The following ADCY2 variants were observed in gnomAD, a reference collection of about 807,000 sequenced individuals.
ADCY2 encodes adenylate cyclase 2.
In ADCY2, 31 loss-of-function variants were observed where a neutral mutation model predicts 125.2. The ratio of observed to expected loss-of-function variants is 0.25; its 90% CI spans 0.19 to 0.33. ADCY2 has a LOEUF of 0.33. ADCY2 is among the 10% of genes least tolerant of loss of function. The pLI, the probability that ADCY2 is intolerant of heterozygous loss-of-function variation, is 1.00. For synonymous variants in ADCY2, 512 were observed against 548.4 expected (o/e 0.93, Z 0.93); for missense variants, 904 against 1,418.2 (o/e 0.64, Z 5.82).
At chr5:7,572,097 A>T (rs1251866926) in intron 3 of ADCY2, among the ~76,000 whole-genome samples, 1 of 152,272 alleles carries the variant, frequency 6.6e-6, no homozygotes, top group East Asian at 1.9e-4. Flanking sequence ...GCTGCAGTGA[A>T]CATACACTTG....
chr5:7,636,433 A>G (rs948000589), intron 4 of ADCY2, among the ~76,000 whole-genome samples: 18 of 152,228 alleles, frequency 1.2e-4, no homozygotes, highest in African/African-American at 4.3e-4. Context: ...TGGGTGGGAT[A>G]CCTGTGCAGT....
chr5:7,697,839 TGA>T (rs1740944919), intron 6 of ADCY2, among the ~76,000 whole-genome samples: 1 of 152,104 alleles, frequency 6.6e-6, no homozygotes, highest in African/African-American at 2.4e-5. Flanking sequence ...GGGAAGGACT[TGA>T]GATTCTAATT....
At chr5:7,748,684 T>C (rs62342479) in intron 15 of ADCY2, among the ~76,000 whole-genome samples, 1 of 152,074 alleles carries the variant, frequency 6.6e-6, no homozygotes, top group Non-Finnish European at 1.5e-5. Flanking sequence ...TAAGAACCTT[T>C]GGAATAAATC....
chr5:7,755,901 G>A (rs1223145369), intron 15 of ADCY2, among the ~76,000 whole-genome samples: 1 of 152,212 alleles, frequency 6.6e-6, no homozygotes, highest in African/African-American at 2.4e-5. Context: ...TGCTGTTCAG[G>A]AATATTCTTT....
chr5:7,599,285 G>A (rs1737118891), intron 3 of ADCY2, among the ~76,000 whole-genome samples: 1 of 152,186 alleles, frequency 6.6e-6, no homozygotes. Context: ...GAGAAATAGA[G>A]TAGGAGAAGC....
At chr5:7,590,321 A>G (rs1218256872) in intron 3 of ADCY2, among the ~76,000 whole-genome samples, 1 of 152,242 alleles carries the variant, frequency 6.6e-6, no homozygotes, top group African/African-American at 2.4e-5. Flanking sequence ...TACTCAGATA[A>G]TGATAGAAGC....
At chr5:7,581,303 T>C (rs1286668869) in intron 3 of ADCY2, among the ~76,000 whole-genome samples, 2 of 151,548 alleles carry the variant, frequency 1.3e-5, no homozygotes, top group Non-Finnish European at 2.9e-5. Context: ...TGTACACACA[T>C]ACAAACACAC....
chr5:7,574,913 AC>A (rs1027790138), intron 3 of ADCY2, among the ~76,000 whole-genome samples: 1 of 152,202 alleles, frequency 6.6e-6, no homozygotes, highest in African/African-American at 2.4e-5. Context: ...TTTTTTTTAC[AC>A]CCAAATAAAA....
At chr5:7,748,004 A>G (rs1742682433) in intron 15 of ADCY2, among the ~76,000 whole-genome samples, 1 of 152,206 alleles carries the variant, frequency 6.6e-6, no homozygotes, top group African/African-American at 2.4e-5. Context: ...GCTCACAGTC[A>G]TGGCATCCTG....
intron 2 of ADCY2, among the ~76,000 whole-genome samples, chr5:7,462,458 C>T (rs1215386631): frequency 6.6e-6 from 1 of 152,130 alleles, no homozygotes; most frequent in East Asian, 1.9e-4. Context: ...ATTGACTAAA[C>T]TTAATAAGCA....
intron 3 of ADCY2, among the ~76,000 whole-genome samples, chr5:7,605,904 A>G (rs1178253584): frequency 1.1e-5 from 1 of 93,920 alleles, no homozygotes; most frequent in African/African-American, 4.1e-5. Context: ...TTCAAAGGGA[A>G]TGCTTCCAGT....
At chr5:7,485,359 A>T (rs1014830090) in intron 2 of ADCY2, among the ~76,000 whole-genome samples, 5 of 152,350 alleles carry the variant, frequency 3.3e-5, no homozygotes, top group African/African-American at 9.6e-5. Context: ...ATAAAATCAA[A>T]ATAAAATAGA....
intron 24 of ADCY2, among the ~76,000 whole-genome samples, chr5:7,823,357 C>T (rs1745362555): frequency 6.6e-6 from 1 of 152,214 alleles, no homozygotes; most frequent in Non-Finnish European, 1.5e-5. Context: ...GCTGCCTCCC[C>T]TCTCATGCTA....
At chr5:7,410,750 G>C (rs1030008062) in intron 1 of ADCY2, among the ~76,000 whole-genome samples, 32 of 152,022 alleles carry the variant, frequency 2.1e-4, no homozygotes, top group Admixed American at 1.6e-3. Context: ...TTTCCACAAA[G>C]GGAGGAGGGG....
chr5:7,608,919 G>A (rs913729781), intron 3 of ADCY2, among the ~76,000 whole-genome samples: 1 of 152,184 alleles, frequency 6.6e-6, no homozygotes, highest in African/African-American at 2.4e-5. Context: ...CCTCTAGACA[G>A]TGCCATTTTT....
chr5:7,502,371 CA>C (rs1455158584), intron 2 of ADCY2, among the ~76,000 whole-genome samples: 1 of 152,102 alleles, frequency 6.6e-6, no homozygotes, highest in African/African-American at 2.4e-5. Context: ...CAGTGATGAC[CA>C]AACCCCTCCA....
chr5:7,444,316 C>T (rs1239294755), intron 2 of ADCY2, among the ~76,000 whole-genome samples: 1 of 151,910 alleles, frequency 6.6e-6, no homozygotes, highest in East Asian at 1.9e-4. Context: ...GGGGTTTCAC[C>T]GTGTTAGCCA....
At chr5:7,647,970 A>G (rs1579274703) in intron 4 of ADCY2, among the ~76,000 whole-genome samples, 1 of 152,312 alleles carries the variant, frequency 6.6e-6, no homozygotes, top group South Asian at 2.1e-4. Context: ...GAAAAGGCGC[A>G]ATGCCAAGAG....
At chr5:7,683,290 C>A (rs1740401525) in intron 4 of ADCY2, among the ~76,000 whole-genome samples, 1 of 152,208 alleles carries the variant, frequency 6.6e-6, no homozygotes, top group African/African-American at 2.4e-5. Context: ...TGAGTGACCT[C>A]TCCCCACGTC....
Sources: allele counts gnomAD v4.1 joint callset (sites outside exome capture counted in the v4.1 genomes callset), GRCh38; gene constraint gnomAD v4.1.1; transcripts MANE v1.5; gene names NCBI Gene and HGNC (gene_info 2026-07-23, HGNC 2026-07-21).